Variants in KCTD8 observed in about 807,000 individuals in gnomAD.
KCTD8 encodes BTB/POZ domain-containing protein KCTD8.
A neutral mutation model predicts 31.5 loss-of-function variants in KCTD8; 27 were observed. The ratio of observed to expected loss-of-function variants is 0.86; its 90% CI spans 0.63 to 1.18. The LOEUF is 1.18. Ranked by LOEUF, KCTD8 falls within the 50% of genes most tolerant of loss-of-function variation. KCTD8 has a pLI of 0.00. For synonymous variants in KCTD8, 290 were observed against 280.0 expected (o/e 1.04, Z -0.36); for missense variants, 658 against 647.7 (o/e 1.02, Z -0.17).
At chr4:44,196,608 C>T (rs1239440809) in intron 1 of KCTD8, among the ~76,000 whole-genome samples, 1 of 152,146 alleles carries the variant, frequency 6.6e-6, no homozygotes, top group Non-Finnish European at 1.5e-5. Context: ...AGTAAGAGAA[C>T]ACACGAAGAA....
At chr4:44,270,050 C>G (rs1374629944) in intron 1 of KCTD8, among the ~76,000 whole-genome samples, 1 of 151,930 alleles carries the variant, frequency 6.6e-6, no homozygotes, top group East Asian at 1.9e-4. Flanking sequence ...GGTATATACC[C>G]AAAGGACTAT....
chr4:44,422,742 T>G (rs1408927870), intron 1 of KCTD8, among the ~76,000 whole-genome samples: 1 of 152,036 alleles, frequency 6.6e-6, no homozygotes, highest in Non-Finnish European at 1.5e-5. Context: ...TGAGTTTAAT[T>G]CCCATGGCAG....
chr4:44,341,314 G>A, intron 1 of KCTD8, among the ~76,000 whole-genome samples: 1 of 152,190 alleles, frequency 6.6e-6, no homozygotes, highest in East Asian at 1.9e-4. Flanking sequence ...GAAGGGTGGT[G>A]TTTGCAGAAC....
At chr4:44,313,061 A>G (rs1481961765) in intron 1 of KCTD8, among the ~76,000 whole-genome samples, 2 of 152,212 alleles carry the variant, frequency 1.3e-5, no homozygotes, top group African/African-American at 4.8e-5. Context: ...ACACCAAAGC[A>G]GTAGGTAACT....
At chr4:44,284,349 C>G (rs1007919616) in intron 1 of KCTD8, among the ~76,000 whole-genome samples, 29 of 152,250 alleles carry the variant, frequency 1.9e-4, no homozygotes, top group African/African-American at 6.3e-4. Flanking sequence ...TTTGACAAAC[C>G]CAACACACAC....
chr4:44,286,608 G>A (rs73811995), intron 1 of KCTD8, among the ~76,000 whole-genome samples: 4,494 of 152,086 alleles, frequency 0.03, 237 homozygotes, highest in African/African-American at 0.1. Context: ...AGGTAATATC[G>A]AAGAAAAGGG....
At chr4:44,323,250 T>C (rs1183168249) in intron 1 of KCTD8, among the ~76,000 whole-genome samples, 1 of 151,936 alleles carries the variant, frequency 6.6e-6, no homozygotes, top group African/African-American at 2.4e-5. Flanking sequence ...TCCTAGCACT[T>C]TGGGAGGTCA....
intron 1 of KCTD8, among the ~76,000 whole-genome samples, chr4:44,269,585 C>T (rs573192145): frequency 0.015 from 2,346 of 152,076 alleles, 17 homozygotes; most frequent in Non-Finnish European, 0.024. Flanking sequence ...AAAGAAACTA[C>T]CATCAGAGTG....
chr4:44,187,617 G>C (rs1040456455), intron 1 of KCTD8, among the ~76,000 whole-genome samples: 1 of 152,164 alleles, frequency 6.6e-6, no homozygotes, highest in Non-Finnish European at 1.5e-5. Flanking sequence ...TTTTATGAGA[G>C]GGATGATTTA....
intron 1 of KCTD8, among the ~76,000 whole-genome samples, chr4:44,403,359 G>A (rs1720710205): frequency 6.7e-6 from 1 of 149,066 alleles, no homozygotes; most frequent in African/African-American, 2.5e-5. Flanking sequence ...TTTTTCTGTA[G>A]AAATATTAAT....
At chr4:44,285,037 G>C (rs1047236208) in intron 1 of KCTD8, among the ~76,000 whole-genome samples, 1 of 152,132 alleles carries the variant, frequency 6.6e-6, no homozygotes, top group Non-Finnish European at 1.5e-5. Context: ...GTGTAAATTA[G>C]TTCAACCATT....
intron 1 of KCTD8, among the ~76,000 whole-genome samples, chr4:44,435,367 A>G (rs1721617123): frequency 6.6e-6 from 1 of 152,068 alleles, no homozygotes; most frequent in African/African-American, 2.4e-5. Context: ...CAGAATCCTC[A>G]TGCTCTTTAT....
At chr4:44,446,977 C>A (rs1350062242) in intron 1 of KCTD8, among the ~76,000 whole-genome samples, 2 of 152,134 alleles carry the variant, frequency 1.3e-5, no homozygotes, top group African/African-American at 4.8e-5. Flanking sequence ...CTCTCATGCC[C>A]CCGCCCCCTC....
At chr4:44,367,659 C>T (rs952551309) in intron 1 of KCTD8, among the ~76,000 whole-genome samples, 19 of 152,014 alleles carry the variant, frequency 1.2e-4, no homozygotes, top group African/African-American at 4.6e-4. Context: ...TTGTTGAAAA[C>T]CTCCAAGACA....
chr4:44,367,912 A>AT (rs762982897), intron 1 of KCTD8, among the ~76,000 whole-genome samples: 2 of 152,228 alleles, frequency 1.3e-5, no homozygotes, highest in Admixed American at 6.5e-5. Flanking sequence ...TAAAAAAAAA[A>AT]CTTTTTCTTC....
intron 1 of KCTD8, among the ~76,000 whole-genome samples, chr4:44,419,841 A>G (rs1459537400): frequency 6.6e-6 from 1 of 152,096 alleles, no homozygotes; most frequent in Admixed American, 6.6e-5. Flanking sequence ...CCTAGAACTT[A>G]AAGTATAATA....
At chr4:44,412,427 A>G (rs912747571) in intron 1 of KCTD8, among the ~76,000 whole-genome samples, 1 of 152,314 alleles carries the variant, frequency 6.6e-6, no homozygotes, top group Admixed American at 6.5e-5. Context: ...CAGAACTACT[A>G]TTCTGGTGAA....
intron 1 of KCTD8, among the ~76,000 whole-genome samples, chr4:44,268,123 A>T (rs1368738915): frequency 1.3e-5 from 2 of 152,224 alleles, no homozygotes; most frequent in Non-Finnish European, 2.9e-5. Context: ...TCCTTGATGA[A>T]CATTGATGCA....
chr4:44,273,579 C>A (rs977517666), intron 1 of KCTD8, among the ~76,000 whole-genome samples: 4 of 151,834 alleles, frequency 2.6e-5, no homozygotes, highest in South Asian at 4.1e-4. Flanking sequence ...GTCAATTTTC[C>A]TAAATTCAAA....
Sources: allele counts gnomAD v4.1 joint callset (sites outside exome capture counted in the v4.1 genomes callset), GRCh38; gene constraint gnomAD v4.1.1; transcripts MANE v1.5; gene names NCBI Gene and HGNC (gene_info 2026-07-23, HGNC 2026-07-21).